DENND1A: variants seen among roughly 807,000 people sequenced by gnomAD.
DENND1A encodes the protein DENN domain containing 1A, also known as DENN domain-containing protein 1A.
Under a neutral mutation model 113.7 loss-of-function variants are expected in DENND1A, and 51 were observed. The observed-to-expected ratio is 0.45, with a 90% confidence interval of 0.36 to 0.57. The LOEUF (loss-of-function observed/expected upper bound fraction) is 0.57. Ranked by LOEUF, DENND1A falls within the 20% of genes least tolerant of loss-of-function variation. The probability of loss-of-function intolerance (pLI) is 0.00; values close to 1 mark genes in which losing one functional copy is unlikely to be tolerated. For missense variants in DENND1A, 1,258 were observed against 1,395.9 expected (o/e 0.90, Z 1.57); for synonymous variants, 565 against 570.8 (o/e 0.99, Z 0.14).
intron 18 of DENND1A, among the ~76,000 whole-genome samples, chr9:123,442,751 T>C (rs1047765035): frequency 6.6e-6 from 1 of 152,208 alleles, no homozygotes. Context: ...AAAAATACTA[T>C]CGTCTAGTTT....
intron 11 of DENND1A, among the ~76,000 whole-genome samples, chr9:123,596,578 C>G (rs975900448): frequency 6.6e-6 from 1 of 152,138 alleles, no homozygotes; most frequent in Non-Finnish European, 1.5e-5. Flanking sequence ...GGATTTGACC[C>G]CAAAGCCTGG....
intron 13 of DENND1A, among the ~76,000 whole-genome samples, chr9:123,506,603 A>AAAAAAAT (rs2052971054): frequency 1.3e-5 from 2 of 150,924 alleles, no homozygotes; most frequent in Non-Finnish European, 2.9e-5. Flanking sequence ...AAAAAAAAAA[A>AAAAAAAT]AGAATTATTA....
intron 1 of DENND1A, among the ~76,000 whole-genome samples, chr9:123,897,593 T>C (rs565043388): frequency 6.6e-6 from 1 of 152,252 alleles, no homozygotes; most frequent in African/African-American, 2.4e-5. Flanking sequence ...ACTGAGGAGA[T>C]GGCAAGAGAG....
intron 13 of DENND1A, among the ~76,000 whole-genome samples, chr9:123,531,202 A>G (rs528141261): frequency 2.6e-5 from 4 of 152,246 alleles, no homozygotes; most frequent in African/African-American, 9.6e-5. Flanking sequence ...TAGTATTCCT[A>G]TGATATTTTA....
intron 11 of DENND1A, among the ~76,000 whole-genome samples, chr9:123,587,222 C>T (rs2059218749): frequency 6.6e-6 from 1 of 152,132 alleles, no homozygotes; most frequent in Non-Finnish European, 1.5e-5. Context: ...AATTCTTTAA[C>T]ATAGCATTTG....
chr9:123,640,688 C>T (rs751010164), intron 9 of DENND1A, among the ~76,000 whole-genome samples: 2 of 152,236 alleles, frequency 1.3e-5, no homozygotes, highest in Non-Finnish European at 2.9e-5. Context: ...GAATAGTGCG[C>T]CCAGTGCTGG....
At chr9:123,914,398 G>A (rs1406233513) in intron 1 of DENND1A, among the ~76,000 whole-genome samples, 1 of 151,582 alleles carries the variant, frequency 6.6e-6, no homozygotes, top group Non-Finnish European at 1.5e-5. Context: ...AAAATTAGCC[G>A]AGCATGGTGG....
chr9:123,846,458 C>A (rs1170113514), intron 2 of DENND1A, among the ~76,000 whole-genome samples: 1 of 152,142 alleles, frequency 6.6e-6, no homozygotes, highest in South Asian at 2.1e-4. Context: ...AATTGTCCAT[C>A]AACAGATGAA....
intron 5 of DENND1A, among the ~76,000 whole-genome samples, chr9:123,682,145 C>T (rs1444923410): frequency 6.6e-6 from 1 of 152,188 alleles, no homozygotes; most frequent in African/African-American, 2.4e-5. Flanking sequence ...ACTTTGCTAT[C>T]CTAAAAACAA....
At chr9:123,399,377 A>AT (rs1564418085) in intron 21 of DENND1A, among the ~76,000 whole-genome samples, 1 of 151,788 alleles carries the variant, frequency 6.6e-6, no homozygotes, top group Admixed American at 6.6e-5. Context: ...TTTTTATTTT[A>AT]TTTTTTGAGA....
chr9:123,657,683 T>C (rs1338411624), intron 8 of DENND1A, among the ~76,000 whole-genome samples: 3 of 152,188 alleles, frequency 2.0e-5, no homozygotes, highest in Non-Finnish European at 4.4e-5. Context: ...CTTGGTTTTG[T>C]CAGTGGGTCT....
At chr9:123,894,534 T>C (rs1017780791) in intron 1 of DENND1A, among the ~76,000 whole-genome samples, 1 of 152,176 alleles carries the variant, frequency 6.6e-6, no homozygotes, top group African/African-American at 2.4e-5. Context: ...GGTTTGCAAA[T>C]TGAAGACATC....
chr9:123,910,259 T>C (rs1853711158), intron 1 of DENND1A, among the ~76,000 whole-genome samples: 1 of 152,096 alleles, frequency 6.6e-6, no homozygotes, highest in Non-Finnish European at 1.5e-5. Context: ...ACTTTAAAGG[T>C]ACAGTAATTA....
At chr9:123,585,079 TCAC>T (rs2059098062) in intron 11 of DENND1A, among the ~76,000 whole-genome samples, 4 of 120,216 alleles carry the variant, frequency 3.3e-5, no homozygotes, top group Admixed American at 8.0e-5. Flanking sequence ...GTCACAAGCC[TCAC>T]TAGGATTGAA....
chr9:123,827,072 A>C (rs1590248458), intron 2 of DENND1A, among the ~76,000 whole-genome samples: 1 of 152,218 alleles, frequency 6.6e-6, no homozygotes, highest in Admixed American at 6.5e-5. Context: ...TCCTGAAAAA[A>C]TATTTTTCCA....
intron 11 of DENND1A, among the ~76,000 whole-genome samples, chr9:123,604,481 C>T (rs1343490107): frequency 7.2e-5 from 11 of 152,100 alleles, no homozygotes; most frequent in South Asian, 6.2e-4. Flanking sequence ...CATGGTGCCC[C>T]GTACACAGAA....
intron 13 of DENND1A, chr9:123,485,634 G>GCCCGTGTGTGTGTGTGCA (rs2050747924): frequency 1.5e-5 from 2 of 132,044 alleles, no homozygotes; most frequent in Non-Finnish European, 3.1e-5. Flanking sequence ...GTGTGTGTGC[G>GCCCGTGTGTGTGTGTGCA]CGTACACACA....
rs552654293 is a variant in DENND1A, at chr9:123,733,059, G to A, written c.302+24644C>T. 1.2e-4 allele frequency among the ~76,000 whole-genome samples: 18 copies of A among 152,212 alleles called. No homozygotes were observed. In the South Asian group the frequency reaches 2.9e-3, roughly 25 times the overall value. ...TGCAATGGCGCGATCTCGGCTCACC[G>A]CAACCTCTGCCTCCTGGGTTCAAGC... On this transcript the variant is annotated intron_variant, in intron 5 of 23. Coordinates refer to ENST00000394215, the MANE Select transcript of DENND1A (RefSeq NM_001352964.2).
rs1006997241 is a variant in DENND1A at position 123,385,775 on chromosome 9, C to T, written c.1761-1862G>A. Reference sequence around the variant, plus strand: ...TAACTCACCTATGTCACACAGCACCCGCAAGAGGTGGAAATGGAAGCCAAG... The same window carrying T: ...TAACTCACCTATGTCACACAGCACCTGCAAGAGGTGGAAATGGAAGCCAAG... On this transcript the variant is annotated intron_variant, in intron 22 of 23. Coordinates refer to ENST00000394215, the MANE Select transcript of DENND1A (RefSeq NM_001352964.2). Among the ~76,000 whole-genome samples, 8 of 152,268 alleles carry T rather than the reference C, an allele frequency of 5.3e-5. No homozygotes were observed. The South Asian group carries it at 8.3e-4, about 16-fold the overall frequency.
Sources: allele counts gnomAD v4.1 joint callset (sites outside exome capture counted in the v4.1 genomes callset), GRCh38; gene constraint gnomAD v4.1.1; transcripts MANE v1.5; gene names NCBI Gene and HGNC (gene_info 2026-07-23, HGNC 2026-07-21).